ANXA3: variants seen among roughly 807,000 people sequenced by gnomAD.
ANXA3 encodes the protein 35-alpha calcimedin.
A neutral mutation model predicts 48.8 loss-of-function variants in ANXA3; 46 were observed. The observed-to-expected ratio is 0.94, with a 90% CI of 0.74 to 1.21. The LOEUF (loss-of-function observed/expected upper bound fraction) is 1.21. Ranked by LOEUF, ANXA3 falls within the 50% of genes most tolerant of loss-of-function variation. The pLI is 0.00. For missense variants in ANXA3, 383 were observed against 378.6 expected (o/e 1.01, Z -0.10); for synonymous variants, 128 against 134.7 (o/e 0.95, Z 0.35).
chr4:78,572,557 T>G (rs1722860679), intron 2 of ANXA3, among the ~76,000 whole-genome samples: 1 of 152,036 alleles, frequency 6.6e-6, no homozygotes, highest in African/African-American at 2.4e-5. Context: ...GTTGGAGATG[T>G]AATTATAGGG....
At chr4:78,571,915 AG>A (rs1423987667) in intron 2 of ANXA3, among the ~76,000 whole-genome samples, 2 of 152,218 alleles carry the variant, frequency 1.3e-5, no homozygotes, top group African/African-American at 4.8e-5. Context: ...AGCTTTTAGA[AG>A]GTCTTCTAAT....
At chr4:78,569,616 G>T (rs1722804584) in intron 2 of ANXA3, among the ~76,000 whole-genome samples, 1 of 152,208 alleles carries the variant, frequency 6.6e-6, no homozygotes, top group Non-Finnish European at 1.5e-5. Context: ...CACCTGGAAG[G>T]TTTGTTAAAT....
intron 6 of ANXA3, among the ~76,000 whole-genome samples, chr4:78,589,930 G>A (rs1389293384): frequency 3.3e-5 from 5 of 152,144 alleles, no homozygotes; most frequent in Admixed American, 1.3e-4. Context: ...ACAGGGATCA[G>A]GGACTCAAAG....
intron 1 of ANXA3, 164 bp downstream of exon 1, chr4:78,552,023 G>C (rs1412859025): frequency 6.6e-6 from 1 of 152,370 alleles, no homozygotes; most frequent in African/African-American, 2.4e-5. Flanking sequence ...ACCCAGCTGC[G>C]TGGGTGGGGA....
At chr4:78,587,868 C>T (rs749191434) in intron 6 of ANXA3, among the ~76,000 whole-genome samples, 3 of 152,022 alleles carry the variant, frequency 2.0e-5, no homozygotes, top group East Asian at 1.9e-4. Context: ...CTGAGGTCAG[C>T]GGATCACAAG....
intron 4 of ANXA3, among the ~76,000 whole-genome samples, chr4:78,579,498 A>T (rs547747327): frequency 1.4e-4 from 22 of 152,340 alleles, no homozygotes; most frequent in African/African-American, 5.1e-4. Flanking sequence ...GGGATGCTAC[A>T]AGCATCTGAG....
intron 2 of ANXA3, among the ~76,000 whole-genome samples, chr4:78,570,446 G>T (rs1378300472): frequency 6.6e-6 from 1 of 152,160 alleles, no homozygotes; most frequent in East Asian, 1.9e-4. Context: ...GTCAATATCT[G>T]CATGGCACAG....
chr4:78,596,426 G>T (rs1723425693), intron 9 of ANXA3, among the ~76,000 whole-genome samples: 1 of 152,222 alleles, frequency 6.6e-6, no homozygotes, highest in South Asian at 2.1e-4. Flanking sequence ...TCCTAGAACT[G>T]TTCTGGAAGC....
intron 7 of ANXA3, among the ~76,000 whole-genome samples, chr4:78,593,348 A>G (rs776798759): frequency 1.3e-4 from 19 of 151,860 alleles, no homozygotes; most frequent in East Asian, 7.8e-4. Context: ...GATTACAGGC[A>G]CACGCCACCA....
intron 5 of ANXA3, among the ~76,000 whole-genome samples, chr4:78,585,230 A>G (rs1723147126): frequency 6.6e-6 from 1 of 152,230 alleles, no homozygotes; most frequent in South Asian, 2.1e-4. Context: ...AGATTCACCA[A>G]TAAGTATTAG....
chr4:78,578,155 C>T (rs1219474714), intron 3 of ANXA3, among the ~76,000 whole-genome samples: 1 of 151,804 alleles, frequency 6.6e-6, no homozygotes, highest in Non-Finnish European at 1.5e-5. Flanking sequence ...ATTGCACATG[C>T]CTGTAATCCC....
intron 10 of ANXA3, among the ~76,000 whole-genome samples, chr4:78,599,137 T>TTACA (rs1223359524): frequency 6.6e-6 from 1 of 152,228 alleles, no homozygotes; most frequent in African/African-American, 2.4e-5. Context: ...GAGATATAAC[T>TTACA]TACATACCAT....
At chr4:78,571,598 C>G (rs1016621116) in intron 2 of ANXA3, among the ~76,000 whole-genome samples, 1 of 152,052 alleles carries the variant, frequency 6.6e-6, no homozygotes, top group Non-Finnish European at 1.5e-5. Context: ...CATATTAATA[C>G]AAGACAACAG....
At chr4:78,600,446 T>C (rs1379089112) in intron 10 of ANXA3, among the ~76,000 whole-genome samples, 2 of 152,188 alleles carry the variant, frequency 1.3e-5, no homozygotes, top group Non-Finnish European at 2.9e-5. Context: ...CTGGAAAGCT[T>C]AATAGGATGA....
chr4:78,576,405 T>C (rs1053892944), intron 3 of ANXA3, among the ~76,000 whole-genome samples: 2 of 152,078 alleles, frequency 1.3e-5, no homozygotes, highest in Non-Finnish European at 2.9e-5. Context: ...TCCTGGATCC[T>C]ATGGCCTCAG....
intron 6 of ANXA3, among the ~76,000 whole-genome samples, chr4:78,588,705 G>A (rs1009292318): frequency 5.3e-5 from 8 of 152,088 alleles, no homozygotes; most frequent in African/African-American, 1.7e-4. Flanking sequence ...TGCTGCTGTC[G>A]GGGTGAACAG....
intron 6 of ANXA3, among the ~76,000 whole-genome samples, chr4:78,587,831 C>G (rs185709147): frequency 6.6e-6 from 1 of 152,154 alleles, no homozygotes; most frequent in African/African-American, 2.4e-5. Context: ...CGGTGACTCA[C>G]GCCTGTAATC....
chr4:78,572,352 C>T (rs185463963), intron 2 of ANXA3, among the ~76,000 whole-genome samples: 1 of 152,274 alleles, frequency 6.6e-6, no homozygotes, highest in Non-Finnish European at 1.5e-5. Flanking sequence ...GTTCTTCCTG[C>T]TCACTGTGCA....
chr4:78,571,204 T>A (rs1340794496), intron 2 of ANXA3: 1 of 152,028 alleles, frequency 6.6e-6, no homozygotes, highest in East Asian at 1.9e-4. Flanking sequence ...AGAGACAGGG[T>A]CTTACTGTGT....
Sources: gnomAD v4.1 joint callset for allele counts (sites outside exome capture counted in the v4.1 genomes callset) on GRCh38, gnomAD v4.1.1 for gene constraint, MANE v1.5 for transcripts, NCBI Gene and HGNC (gene_info 2026-07-23, HGNC 2026-07-21) for gene names.